Variants in PPP1R9A observed in about 807,000 individuals in gnomAD.
The protein encoded by PPP1R9A is protein phosphatase 1 regulatory subunit 9A.
PPP1R9A carries 59 observed loss-of-function variants against 141.9 expected under a neutral mutation model. The observed-to-expected ratio is 0.42, with a 90% CI of 0.34 to 0.52. PPP1R9A has a LOEUF of 0.52. PPP1R9A is among the 20% of genes least tolerant of loss of function. The pLI is 0.10. For missense variants in PPP1R9A, 1,444 were observed against 1,611.9 expected, an observed-to-expected ratio of 0.90 and a Z score of 1.78; for synonymous variants, 500 against 569.7, an observed-to-expected ratio of 0.88 and a Z score of 1.74.
intron 8 of PPP1R9A, among the ~76,000 whole-genome samples, chr7:95,228,508 G>A (rs909067608): frequency 6.6e-6 from 1 of 151,976 alleles, no homozygotes; most frequent in Non-Finnish European, 1.5e-5. Flanking sequence ...AAGAATTTGT[G>A]CCTTTACCTT....
chr7:94,982,068 T>C (rs1191886411), intron 2 of PPP1R9A, among the ~76,000 whole-genome samples: 1 of 138,936 alleles, frequency 7.2e-6, no homozygotes, highest in East Asian at 2.4e-4. Flanking sequence ...AGCAAGAACA[T>C]GCAGTGTTTG....
intron 2 of PPP1R9A, among the ~76,000 whole-genome samples, chr7:95,033,165 T>G (rs577444769): frequency 1.6e-5 from 2 of 125,902 alleles, no homozygotes; most frequent in African/African-American, 6.0e-5. Context: ...CCACCATGCC[T>G]GGCTAATTTT....
intron 12 of PPP1R9A, among the ~76,000 whole-genome samples, chr7:95,255,619 A>G (rs1799475389): frequency 6.6e-6 from 1 of 152,200 alleles, no homozygotes; most frequent in Non-Finnish European, 1.5e-5. Flanking sequence ...TGCAAGGTAT[A>G]TGATTTGTGG....
Position 94,910,610 on chromosome 7 carries a change from C to T in PPP1R9A, c.497C>T (p.Ala166Val). 1.2e-6 allele frequency: 2 copies of T among 1,614,122 alleles called. No individual in the cohort carries two copies. The highest frequency in any genetic ancestry group is 2.2e-5 in the East Asian group (1 of 44,858). Residue 166 changes from alanine (A) to valine (V), a missense_variant, in exon 2 of 20, where the codon GCT becomes GTT. Physicochemically the swap from Ala to Val is moderately conservative, Grantham distance 64 (BLOSUM62 0). This residue lies in a region of PPP1R9A where 490 missense variants were observed against 521.1 expected (regional missense o/e 0.94). Coordinates refer to ENST00000433360, the MANE Select transcript of PPP1R9A (RefSeq NM_001166160.2). The surrounding 1 kb of genome is among the most constrained non-coding windows in gnomAD (Gnocchi z 4.5). ...CGCTATTCCCCAAAGAAAGAGAAAG[C>T]TGGAGGGAGTGAACCTCAGGATGAA... The part of the protein sequence containing the change: ...NNRYSPKKEK[A>V]GGSEPQDEWG...
At position 94,910,313 on chromosome 7, in the gene PPP1R9A, A is replaced by G. The variant is rs1226689646; in HGVS notation, c.200A>G (p.Lys67Arg). 6.2e-7 allele frequency: 1 copy of G among 1,613,982 alleles called. No homozygotes were observed. Among genetic ancestry groups the G allele is most frequent in the Non-Finnish European group, 8.5e-7 (1 of 1,180,018 alleles). ...RKYGSNVNRI[K>R]NLFMQMGMEP... Reference sequence around the variant, plus strand: ...TATGGCTCCAATGTCAACAGAATTAAAAACCTATTTATGCAGATGGGTATG... The same window carrying G: ...TATGGCTCCAATGTCAACAGAATTAGAAACCTATTTATGCAGATGGGTATG... Residue 67 changes from lysine (K) to arginine (R), a missense_variant, in exon 2 of 20, where the codon AAA becomes AGA. Transcript: ENST00000433360. The surrounding 1 kb of genome is among the most constrained non-coding windows in gnomAD (Gnocchi z 4.5).
intron 2 of PPP1R9A, among the ~76,000 whole-genome samples, chr7:95,073,948 T>A (rs955674985): frequency 6.6e-6 from 1 of 152,136 alleles, no homozygotes. Flanking sequence ...TTAGGCAACA[T>A]GAATTTTCAT....
At chr7:95,251,100 G>C (rs1798811407) in intron 10 of PPP1R9A, among the ~76,000 whole-genome samples, 1 of 152,268 alleles carries the variant, frequency 6.6e-6, no homozygotes, top group African/African-American at 2.4e-5. Flanking sequence ...GCTATCAAAA[G>C]TTTCTTGTTA....
rs556457435 is a variant in PPP1R9A at position 95,187,831 on chromosome 7, C to T, written c.1755-10518C>T. Reference sequence around the variant, plus strand: ...TTAGTTTTGAGGGTTTTTTTTGAGTCGATTTCCAGTTTTATTCCCCTGTGG... The same window carrying T: ...TTAGTTTTGAGGGTTTTTTTTGAGTTGATTTCCAGTTTTATTCCCCTGTGG... On this transcript the variant is annotated intron_variant, in intron 5 of 19. Coordinates refer to ENST00000433360, the MANE Select transcript of PPP1R9A (RefSeq NM_001166160.2). Among the ~76,000 whole-genome samples the T allele has an allele frequency of 5.7e-4, 86 of 151,840 alleles. 1 individual carries two copies. The highest frequency in any genetic ancestry group is 1.8e-3 in the African/African-American group (75 of 41,454).
At chr7:95,124,540 A>C (rs1421999461) in intron 4 of PPP1R9A, among the ~76,000 whole-genome samples, 2 of 152,144 alleles carry the variant, frequency 1.3e-5, no homozygotes, top group Non-Finnish European at 1.5e-5. Flanking sequence ...TAGTTTCTGA[A>C]TTAAAACTAA....
intron 2 of PPP1R9A, among the ~76,000 whole-genome samples, chr7:95,077,208 T>G (rs1198836132): frequency 6.6e-6 from 1 of 152,144 alleles, no homozygotes; most frequent in Non-Finnish European, 1.5e-5. Flanking sequence ...AACTTCTTTT[T>G]ATTTTTTTGT....
intron 8 of PPP1R9A, among the ~76,000 whole-genome samples, chr7:95,230,636 T>G (rs1443047217): frequency 1.3e-5 from 2 of 152,006 alleles, no homozygotes; most frequent in East Asian, 3.9e-4. Context: ...GAGTAAAGCC[T>G]CCAAGAAGTT....
intron 5 of PPP1R9A, among the ~76,000 whole-genome samples, chr7:95,171,036 T>G (rs1832029843): frequency 6.6e-6 from 1 of 151,500 alleles, no homozygotes; most frequent in Non-Finnish European, 1.5e-5. Context: ...TGAAGAGGTA[T>G]GCTATAAGAC....
intron 2 of PPP1R9A, among the ~76,000 whole-genome samples, chr7:95,080,711 G>A (rs550709095): frequency 6.6e-6 from 1 of 152,272 alleles, no homozygotes; most frequent in South Asian, 2.1e-4. Flanking sequence ...TGTTTTTAGA[G>A]CTTCTCATGT....
chr7:95,213,300 T>C (rs1438207249), intron 7 of PPP1R9A, among the ~76,000 whole-genome samples: 2 of 151,646 alleles, frequency 1.3e-5, no homozygotes, highest in Non-Finnish European at 1.5e-5. Flanking sequence ...TTATTGGTTG[T>C]ACTATCTTTC....
chr7:95,020,102 A>C (rs1805710517), intron 2 of PPP1R9A, among the ~76,000 whole-genome samples: 1 of 152,254 alleles, frequency 6.6e-6, no homozygotes, highest in Non-Finnish European at 1.5e-5. Context: ...CCCTTAAAGA[A>C]GCCAGACCAA....
At chr7:95,172,082 G>T (rs1832199940) in intron 5 of PPP1R9A, among the ~76,000 whole-genome samples, 2 of 151,594 alleles carry the variant, frequency 1.3e-5, no homozygotes, top group Non-Finnish European at 3.0e-5. Context: ...CAGGAAACTT[G>T]AAATAGAAGG....
intron 7 of PPP1R9A, among the ~76,000 whole-genome samples, chr7:95,217,199 G>T: frequency 6.6e-6 from 1 of 152,140 alleles, no homozygotes; most frequent in East Asian, 1.9e-4. Context: ...TTTTGTCAAA[G>T]GCCTTTTCTG....
chr7:95,104,148 G>C (rs1457252556), intron 2 of PPP1R9A, among the ~76,000 whole-genome samples: 1 of 152,204 alleles, frequency 6.6e-6, no homozygotes, highest in Non-Finnish European at 1.5e-5. Context: ...GTTAGCCTTA[G>C]AAATATTTTA....
chr7:94,952,895 C>T (rs1350224836), intron 2 of PPP1R9A, among the ~76,000 whole-genome samples: 1 of 152,030 alleles, frequency 6.6e-6, no homozygotes, highest in African/African-American at 2.4e-5. Flanking sequence ...AATTTTCTCC[C>T]ATTCTGTAGG....
Sources: allele counts gnomAD v4.1 joint callset (sites outside exome capture counted in the v4.1 genomes callset), GRCh38; gene constraint gnomAD v4.1.1; regional missense constraint gnomAD v4.1.1; non-coding constraint Gnocchi (gnomAD v3.1); transcripts MANE v1.5; gene names NCBI Gene and HGNC (gene_info 2026-07-23, HGNC 2026-07-21).